Variants in HS6ST3 observed in about 807,000 individuals in gnomAD.
HS6ST3 encodes heparan-sulfate 6-O-sulfotransferase 3.
Under a neutral mutation model 36.7 loss-of-function variants are expected in HS6ST3, and 12 were observed. The ratio of observed to expected loss-of-function variants is 0.33; its 90% CI spans 0.21 to 0.53. The LOEUF (loss-of-function observed/expected upper bound fraction) is 0.53. Ranked by LOEUF, HS6ST3 falls within the 20% of genes least tolerant of loss-of-function variation. The pLI is 0.95. For missense variants in HS6ST3, 584 were observed against 640.9 expected (o/e 0.91, Z 0.96); for synonymous variants, 240 against 257.5 (o/e 0.93, Z 0.65).
At chr13:96,513,250 C>T (rs1049660923) in intron 1 of HS6ST3, among the ~76,000 whole-genome samples, 7 of 151,740 alleles carry the variant, frequency 4.6e-5, no homozygotes, top group Non-Finnish European at 8.8e-5. Flanking sequence ...ATATTTTGGC[C>T]TTGATCTTTC....
At chr13:96,314,559 T>G (rs1169952409) in intron 1 of HS6ST3, among the ~76,000 whole-genome samples, 1 of 152,192 alleles carries the variant, frequency 6.6e-6, no homozygotes, top group Non-Finnish European at 1.5e-5. Context: ...GATAAAGCAG[T>G]CTATATGTCT....
chr13:96,574,358 A>G, intron 1 of HS6ST3: 1 of 418,422 alleles, frequency 2.4e-6, no homozygotes, highest in Non-Finnish European at 4.6e-6. Flanking sequence ...TAAGGATCCA[A>G]TTACCAGTGA....
Position 96,091,518 on chromosome 13 carries a change from T to C in HS6ST3, c.656T>C (p.Val219Ala). 1 of 1,595,792 alleles carries C rather than the reference T, an allele frequency of 6.3e-7. No homozygotes were observed. The highest frequency in any genetic ancestry group is 8.5e-7 in the Non-Finnish European group (1 of 1,174,312). Reference protein sequence around the residue: ...HADWTELTNCVPAIMEKKDCP... With the variant: ...HADWTELTNCAPAIMEKKDCP... Reference sequence around the variant, plus strand: ...GACTGGACGGAGCTCACCAACTGCGTGCCGGCCATCATGGAGAAGAAGGAC... The same window carrying C: ...GACTGGACGGAGCTCACCAACTGCGCGCCGGCCATCATGGAGAAGAAGGAC... The change falls in exon 1 of 2, where the codon GTG becomes GCG. Residue 219 changes from valine (V) to alanine (A), a missense_variant. By Grantham distance (64) the Val-to-Ala change is moderately conservative. Around this residue, in one of 3 missense-constraint regions of HS6ST3, gnomAD observed 360 missense variants for 411.3 expected, o/e 0.88. Coordinates refer to ENST00000376705, the MANE Select transcript of HS6ST3 (RefSeq NM_153456.4).
intron 1 of HS6ST3, 23 bp from the exon 2 acceptor site, chr13:96,832,467 G>A: frequency 4.6e-6 from 7 of 1,505,708 alleles, no homozygotes; most frequent in Non-Finnish European, 6.3e-6. Context: ...AACTACTGAT[G>A]CTCTTCCTCT....
At chr13:96,556,503 T>C (rs2056241355) in intron 1 of HS6ST3, among the ~76,000 whole-genome samples, 1 of 152,172 alleles carries the variant, frequency 6.6e-6, no homozygotes, top group Admixed American at 6.5e-5. Context: ...TTCTTGGAAA[T>C]TGATATCTAA....
intron 1 of HS6ST3, among the ~76,000 whole-genome samples, chr13:96,385,669 T>C (rs915747997): frequency 2.6e-5 from 4 of 152,238 alleles, no homozygotes; most frequent in African/African-American, 9.6e-5. Flanking sequence ...ATTCTTAATA[T>C]GTAAATGTAG....
intron 1 of HS6ST3, among the ~76,000 whole-genome samples, chr13:96,136,384 G>A (rs1280954071): frequency 2.0e-5 from 3 of 152,066 alleles, no homozygotes; most frequent in East Asian, 1.9e-4. Context: ...GAGCTTTTAC[G>A]CGTGGTGCAA....
At chr13:96,104,270 G>C (rs901687289) in intron 1 of HS6ST3, among the ~76,000 whole-genome samples, 1 of 152,080 alleles carries the variant, frequency 6.6e-6, no homozygotes, top group African/African-American at 2.4e-5. Context: ...AAGATCTACT[G>C]GCAGAATAAT....
intron 1 of HS6ST3, among the ~76,000 whole-genome samples, chr13:96,296,792 G>A (rs190366113): frequency 2.6e-5 from 4 of 151,898 alleles, no homozygotes; most frequent in East Asian, 3.9e-4. Context: ...AGTTTCATTC[G>A]AATGTTTTAC....
rs1212002175 is a variant in HS6ST3, at chr13:96,322,219, C to T, written c.707+230650C>T. On this transcript the variant is annotated intron_variant, in intron 1 of 1. Transcript: ENST00000376705. ...CTGACCTGCATAATCCAGTTTCCCT[C>T]TCTATTTGGTTATCCATATCTACAT... Among the ~76,000 whole-genome samples, 3 of 152,066 alleles carry T rather than the reference C, an allele frequency of 2.0e-5. No individual in the cohort carries two copies. In the East Asian group the frequency reaches 5.8e-4, roughly 29 times the overall value.
At chr13:96,154,319 T>C (rs1273891687) in intron 1 of HS6ST3, among the ~76,000 whole-genome samples, 1 of 152,144 alleles carries the variant, frequency 6.6e-6, no homozygotes, top group Non-Finnish European at 1.5e-5. Context: ...TGGCATGCTG[T>C]ATTTAAAGAA....
At chr13:96,138,467 A>G (rs1594690784) in intron 1 of HS6ST3, among the ~76,000 whole-genome samples, 2 of 149,806 alleles carry the variant, frequency 1.3e-5, no homozygotes, top group South Asian at 4.2e-4. Flanking sequence ...AAATACATAT[A>G]TACAGTTTAT....
At chr13:96,273,390 T>C (rs1011568687) in intron 1 of HS6ST3, among the ~76,000 whole-genome samples, 1 of 152,016 alleles carries the variant, frequency 6.6e-6, no homozygotes, top group African/African-American at 2.4e-5. Context: ...TTCATCAGCT[T>C]GGGTCCCACG....
chr13:96,554,929 A>C (rs528587271), intron 1 of HS6ST3, among the ~76,000 whole-genome samples: 1 of 151,956 alleles, frequency 6.6e-6, no homozygotes, highest in East Asian at 2.0e-4. Flanking sequence ...ACATACAAAA[A>C]ATTAATCTGG....
chr13:96,478,786 T>A (rs951906902), intron 1 of HS6ST3, among the ~76,000 whole-genome samples: 10 of 152,282 alleles, frequency 6.6e-5, no homozygotes, highest in African/African-American at 2.4e-4. Flanking sequence ...TACTACCATT[T>A]TACAAATGGA....
chr13:96,222,591 T>G (rs1197622217), intron 1 of HS6ST3, among the ~76,000 whole-genome samples: 1 of 152,270 alleles, frequency 6.6e-6, no homozygotes. Flanking sequence ...GTTACCTTGT[T>G]GCTGGATGAT....
chr13:96,775,927 C>CACATAATT (rs1418063285), intron 1 of HS6ST3, among the ~76,000 whole-genome samples: 4 of 152,028 alleles, frequency 2.6e-5, no homozygotes, highest in African/African-American at 9.7e-5. Flanking sequence ...TAAAATTGAC[C>CACATAATT]ACATAATTGG....
chr13:96,368,170 A>C (rs1012046588), intron 1 of HS6ST3, among the ~76,000 whole-genome samples: 1 of 152,106 alleles, frequency 6.6e-6, no homozygotes, highest in African/African-American at 2.4e-5. Flanking sequence ...TGTGCATAAT[A>C]GTTCACTAAC....
Position 96,202,069 on chromosome 13 carries a change from A to G in HS6ST3, c.707+110500A>G, listed in dbSNP as rs544324086. 2.0e-5 allele frequency among the ~76,000 whole-genome samples: 3 copies of G among 152,332 alleles called. No individual in the cohort carries two copies. The South Asian group carries it at 6.2e-4, about 32-fold the overall frequency. On this transcript the variant is annotated intron_variant, in intron 1 of 1. Transcript: ENST00000376705. The stretch of plus-strand genomic sequence containing the variant: ...GATCTGTTTTAAAATAAGCACTCCA[A>G]GATTAACACCTGCATATTGCTGACT...
Sources: gnomAD v4.1 joint callset for allele counts (sites outside exome capture counted in the v4.1 genomes callset) on GRCh38, gnomAD v4.1.1 for gene constraint, gnomAD v4.1.1 regional missense constraint, MANE v1.5 for transcripts, NCBI Gene and HGNC (gene_info 2026-07-23, HGNC 2026-07-21) for gene names.